NHERF2: variants seen among roughly 807,000 people sequenced by gnomAD.
NHERF2 encodes NHERF family PDZ scaffold protein 2, also known as Na(+)/H(+) exchange regulatory cofactor NHE-RF2.
the NHERF2 span, among the ~76,000 whole-genome samples, chr16:2,031,955 G>A: frequency 2.0e-5 from 3 of 151,812 alleles, no homozygotes; most frequent in Non-Finnish European, 4.4e-5. Context: ...ACCTCCCAAA[G>A]TTCTGGGATT....
At chr16:2,037,910 C>T in the NHERF2 span, 5 of 1,611,604 alleles carry the variant, frequency 3.1e-6, no homozygotes, top group Non-Finnish European at 4.2e-6. Flanking sequence ...GGAGAAGGCT[C>T]GAGCCATGCG....
At chr16:2,032,867 C>A in the NHERF2 span, 1 of 1,017,838 alleles carries the variant, frequency 9.8e-7, no homozygotes, top group Non-Finnish European at 1.2e-6. This position sits in a 1 kb window ranked among gnomAD's most constrained non-coding sequence, Gnocchi z 4.0. Context: ...GCCCCCTGCC[C>A]CTAGCCCATG....
At chr16:2,029,632 G>A in the NHERF2 span, 55 of 1,578,454 alleles carry the variant, frequency 3.5e-5, no homozygotes, top group African/African-American at 6.9e-4. Context: ...TGCTGGTGGT[G>A]GACCAGGAGA....
the NHERF2 span, chr16:2,027,117 C>T: frequency 2.0e-6 from 3 of 1,467,356 alleles, no homozygotes; most frequent in African/African-American, 1.5e-5. Flanking sequence ...GTTCATCCGG[C>T]GCGTGGAACC....
chr16:2,033,221 C>T, the NHERF2 span: 28 of 1,497,366 alleles, frequency 1.9e-5, no homozygotes, highest in Middle Eastern at 2.4e-4. Context: ...TCAGCCCCCA[C>T]GTCCCCACCC....
chr16:2,027,689 C>T, the NHERF2 span, among the ~76,000 whole-genome samples: 1 of 152,180 alleles, frequency 6.6e-6, no homozygotes, highest in Non-Finnish European at 1.5e-5. Flanking sequence ...TGTGTCTGCA[C>T]CTGTGTGTGC....
the NHERF2 span, among the ~76,000 whole-genome samples, chr16:2,028,013 C>T: frequency 6.6e-6 from 1 of 152,208 alleles, no homozygotes; most frequent in Non-Finnish European, 1.5e-5. Flanking sequence ...GAGAACAGAG[C>T]CTTTTCTCTG....
At chr16:2,033,109 T>G in the NHERF2 span, 35 of 985,202 alleles carry the variant, frequency 3.6e-5, no homozygotes, top group Admixed American at 1.8e-4. Context: ...AGCAGCTTCC[T>G]TCCTTCCTTT....
the NHERF2 span, among the ~76,000 whole-genome samples, chr16:2,034,848 C>T: frequency 7.9e-5 from 12 of 152,228 alleles, 1 homozygote; most frequent in South Asian, 4.1e-4. Flanking sequence ...GCCTGGGGGC[C>T]GTGCTGTGAC....
At chr16:2,032,925 G>A in the NHERF2 span, 2 of 1,078,192 alleles carry the variant, frequency 1.9e-6, no homozygotes, top group Non-Finnish European at 2.3e-6. This position sits in a 1 kb window ranked among gnomAD's most constrained non-coding sequence, Gnocchi z 4.0. Context: ...CAGGTGTGAG[G>A]GGTGACAGTT....
the NHERF2 span, chr16:2,035,401 G>T: frequency 4.5e-5 from 44 of 985,744 alleles, no homozygotes; most frequent in Non-Finnish European, 5.3e-5. Flanking sequence ...CCCTGGCCTG[G>T]CCTGGCCTGT....
the NHERF2 span, chr16:2,029,752 C>G: frequency 6.4e-7 from 1 of 1,554,004 alleles, no homozygotes; most frequent in African/African-American, 1.4e-5. Context: ...GGGCACACAC[C>G]GGCAGCCACA....
chr16:2,037,454 G>C, the NHERF2 span: 20,374 of 1,244,948 alleles, frequency 0.016, 251 homozygotes, highest in Non-Finnish European at 0.021. Context: ...CACACACTGG[G>C]GGGGGGTGTG....
chr16:2,038,399 G>T, the NHERF2 span: 2 of 372,290 alleles, frequency 5.4e-6, no homozygotes, highest in Admixed American at 4.1e-5. Flanking sequence ...TAATACCAGA[G>T]ACCCCCCCCC....
chr16:2,038,417 C>A, the NHERF2 span: 2 of 309,870 alleles, frequency 6.5e-6, no homozygotes, highest in South Asian at 2.1e-5. Flanking sequence ...CCCTTCCCCT[C>A]CCCCTTCCCC....
At chr16:2,031,032 C>T in the NHERF2 span, among the ~76,000 whole-genome samples, 2 of 150,434 alleles carry the variant, frequency 1.3e-5, no homozygotes, top group Non-Finnish European at 3.0e-5. Context: ...GCGCTTGGGG[C>T]AGGGGTGTGG....
At chr16:2,035,982 C>T in the NHERF2 span, 11 of 291,988 alleles carry the variant, frequency 3.8e-5, no homozygotes, top group South Asian at 6.9e-4. Context: ...CAGGGACAAC[C>T]GCCCCAGGAG....
At chr16:2,033,158 T>C in the NHERF2 span, 3 of 1,422,442 alleles carry the variant, frequency 2.1e-6, no homozygotes. Flanking sequence ...GGCGCCAGGC[T>C]GGAGCCTTCG....
chr16:2,027,308 G>A, the NHERF2 span: 2,165 of 739,792 alleles, frequency 2.9e-3, 7 homozygotes, highest in Middle Eastern at 4.6e-3. Context: ...GCCCGAGGGG[G>A]CTCCCGCGGG....
Sources: allele counts gnomAD v4.1 joint callset (sites outside exome capture counted in the v4.1 genomes callset), GRCh38; gene constraint gnomAD v4.1.1; non-coding constraint Gnocchi (gnomAD v3.1); transcripts MANE v1.5; gene names NCBI Gene and HGNC (gene_info 2026-07-23, HGNC 2026-07-21).